LMBRD2: variants seen among roughly 807,000 people sequenced by gnomAD.
LMBRD2 encodes the protein G protein-coupled receptor-associated protein LMBRD2.
Under a neutral mutation model 94.4 loss-of-function variants are expected in LMBRD2, and 55 were observed. That is an observed-to-expected ratio of 0.58 (90% CI 0.47 to 0.73). The LOEUF (loss-of-function observed/expected upper bound fraction) is 0.73, where lower values mean the gene tolerates loss of function less well. Among genes scored for constraint, LMBRD2 ranks in the 30% least tolerant of loss-of-function variants. The pLI is 0.00. For synonymous variants in LMBRD2, 246 were observed against 272.4 expected, an observed-to-expected ratio of 0.90 and a Z score of 0.95; for missense variants, 640 against 831.9, an observed-to-expected ratio of 0.77 and a Z score of 2.84.
At chr5:36,147,539 C>A (rs1047040660) in intron 1 of LMBRD2, among the ~76,000 whole-genome samples, 9 of 152,178 alleles carry the variant, frequency 5.9e-5, no homozygotes, top group African/African-American at 2.2e-4. Flanking sequence ...CTTCAAAACA[C>A]CAGTTCTGAA....
At chr5:36,145,087 G>C (rs911688591) in intron 1 of LMBRD2, among the ~76,000 whole-genome samples, 4 of 152,112 alleles carry the variant, frequency 2.6e-5, no homozygotes, top group Non-Finnish European at 5.9e-5. Context: ...GAGACTCTAT[G>C]AGAGCAGAGA....
At chr5:36,116,219 G>A (rs1001101989) in intron 11 of LMBRD2, among the ~76,000 whole-genome samples, 4 of 152,074 alleles carry the variant, frequency 2.6e-5, no homozygotes, top group African/African-American at 7.2e-5. Flanking sequence ...TGGTAAATCC[G>A]GGCTCACTAA....
At chr5:36,145,125 C>T (rs772325240) in intron 1 of LMBRD2, among the ~76,000 whole-genome samples, 1 of 152,156 alleles carries the variant, frequency 6.6e-6, no homozygotes, top group Admixed American at 6.5e-5. Flanking sequence ...ATACTATATT[C>T]CAGTTGTCTG....
chr5:36,128,628 C>T (rs1004583051), intron 6 of LMBRD2, among the ~76,000 whole-genome samples: 4 of 152,084 alleles, frequency 2.6e-5, no homozygotes, highest in African/African-American at 7.2e-5. Flanking sequence ...GGGAGGCTGA[C>T]GTGAGAGGAT....
At chr5:36,122,813 T>A in intron 8 of LMBRD2, 35 bp downstream of exon 8, 1 of 1,563,170 alleles carries the variant, frequency 6.4e-7, no homozygotes, top group East Asian at 2.3e-5. Flanking sequence ...ATTAAAATCA[T>A]CATTAAGTAA....
intron 1 of LMBRD2, among the ~76,000 whole-genome samples, chr5:36,144,572 T>C (rs554274094): frequency 6.6e-6 from 1 of 152,274 alleles, no homozygotes; most frequent in South Asian, 2.1e-4. Flanking sequence ...TAATCACAGC[T>C]ACTCAGTAGG....
At position 36,108,522 on chromosome 5, in the gene LMBRD2, T is replaced by C. The variant is rs946404892; in HGVS notation, c.1897+12A>G. 3 of 1,411,622 alleles carry C rather than the reference T, an allele frequency of 2.1e-6. No homozygotes were observed. Among genetic ancestry groups the C allele is most frequent in the Non-Finnish European group, 3.0e-6 (3 of 1,015,608 alleles). 87.4% of individuals were successfully genotyped at this position (1,411,622 alleles called of 1,614,324 possible). On this transcript the variant is annotated intron_variant, in intron 16 of 17. Coordinates refer to ENST00000296603, the MANE Select transcript of LMBRD2 (RefSeq NM_001007527.2). Reference sequence around the variant, plus strand: ...AACAATTTCCAAGTGAACTAGAAGATAAACTACTTACAACGGTTGGTATTA... The same window carrying C: ...AACAATTTCCAAGTGAACTAGAAGACAAACTACTTACAACGGTTGGTATTA...
intron 1 of LMBRD2, among the ~76,000 whole-genome samples, chr5:36,144,444 A>C (rs569898987): frequency 7.2e-5 from 11 of 152,296 alleles, no homozygotes; most frequent in Admixed American, 2.6e-4. Context: ...GCACTTCGGG[A>C]GGCTAAGGCA....
At chr5:36,146,388 A>G (rs764483138) in intron 1 of LMBRD2, among the ~76,000 whole-genome samples, 1 of 152,128 alleles carries the variant, frequency 6.6e-6, no homozygotes, top group Non-Finnish European at 1.5e-5. Context: ...CATTCAGGCT[A>G]CTGGCAGGGT....
At chr5:36,149,431 A>T (rs1744633902) in intron 1 of LMBRD2, among the ~76,000 whole-genome samples, 1 of 152,328 alleles carries the variant, frequency 6.6e-6, no homozygotes, top group East Asian at 1.9e-4. Flanking sequence ...AAGTCTTGAG[A>T]TAGGTGGTTA....
At chr5:36,142,371 T>C (rs1420392602) in intron 3 of LMBRD2, 131 bp downstream of exon 3, 3 of 527,318 alleles carry the variant, frequency 5.7e-6, no homozygotes, top group South Asian at 5.3e-5. Context: ...TAGGAAAGAA[T>C]AGAGGTGGGG....
At chr5:36,118,902 C>G (rs1743823113) in intron 9 of LMBRD2, among the ~76,000 whole-genome samples, 1 of 151,942 alleles carries the variant, frequency 6.6e-6, no homozygotes, top group Admixed American at 6.6e-5. Context: ...ACCGTGTTAG[C>G]CAGGATGGTC....
intron 7 of LMBRD2, among the ~76,000 whole-genome samples, chr5:36,123,838 C>A (rs1377524429): frequency 6.6e-6 from 1 of 151,336 alleles, no homozygotes; most frequent in Non-Finnish European, 1.5e-5. Flanking sequence ...AACGTGTAGG[C>A]AGCTGATTGT....
At chr5:36,109,779 C>T (rs565205294) in intron 15 of LMBRD2, among the ~76,000 whole-genome samples, 166 bp downstream of exon 15, 3 of 152,056 alleles carry the variant, frequency 2.0e-5, no homozygotes, top group African/African-American at 4.8e-5. Context: ...GGATACTTAG[C>T]GTATATACCT....
intron 14 of LMBRD2, 97 bp downstream of exon 14, chr5:36,111,053 ATAGAT>A (rs1459777269): frequency 9.7e-6 from 7 of 722,136 alleles, no homozygotes; most frequent in Non-Finnish European, 1.6e-5. Flanking sequence ...ATTTCTTAGA[ATAGAT>A]TAAAAAATAT....
intron 6 of LMBRD2, among the ~76,000 whole-genome samples, chr5:36,134,917 G>A (rs1226400837): frequency 6.6e-6 from 1 of 152,070 alleles, no homozygotes; most frequent in African/African-American, 2.4e-5. Context: ...AATAGTTTGG[G>A]AATAGCATGC....
At chr5:36,128,999 C>T (rs1744073318) in intron 6 of LMBRD2, among the ~76,000 whole-genome samples, 1 of 151,956 alleles carries the variant, frequency 6.6e-6, no homozygotes, top group African/African-American at 2.4e-5. Flanking sequence ...AATGATCATG[C>T]AGAAGAAAGA....
intron 10 of LMBRD2, among the ~76,000 whole-genome samples, chr5:36,116,858 G>T (rs1743759787): frequency 6.6e-6 from 1 of 151,850 alleles, no homozygotes; most frequent in African/African-American, 2.4e-5. Context: ...TGTATTTTTA[G>T]TAAGATGGGG....
In LMBRD2 at chr5:36,105,126, G is replaced by T. The variant is rs752962680; in HGVS notation, c.1969C>A (p.Pro657Thr). The T allele has an allele frequency of 1.9e-6, 3 of 1,612,638 alleles. No homozygotes were observed. The highest frequency in any genetic ancestry group is 2.5e-6 in the Non-Finnish European group (3 of 1,179,082). Reference protein sequence around the residue: ...DRIELLQDAEPLDFNAETFTD... With the variant: ...DRIELLQDAETLDFNAETFTD... ...AATGTTTCTGCATTAAAATCCAAAGGTTCTGCATCTTGGAGAAGTTCTATC... is the reference window on the plus strand; with the variant it reads ...AATGTTTCTGCATTAAAATCCAAAGTTTCTGCATCTTGGAGAAGTTCTATC... Residue 657 changes from proline to threonine, a missense_variant, in exon 17 of 18, where the codon CCT (proline) becomes ACT (threonine). Transcript: ENST00000296603.
Sources: allele counts gnomAD v4.1 joint callset (sites outside exome capture counted in the v4.1 genomes callset), GRCh38; gene constraint gnomAD v4.1.1; transcripts MANE v1.5; gene names NCBI Gene and HGNC (gene_info 2026-07-23, HGNC 2026-07-21).